MYO9B: variants seen among roughly 807,000 people sequenced by gnomAD.
MYO9B encodes myosin IXB.
A neutral mutation model predicts 229.5 loss-of-function variants in MYO9B; 71 were observed. The ratio of observed to expected loss-of-function variants is 0.31; its 90% confidence interval spans 0.26 to 0.38. MYO9B has a LOEUF of 0.38. Among genes scored for constraint, MYO9B ranks in the 10% least tolerant of loss-of-function variants. The pLI is 1.00. For missense variants in MYO9B, 2,255 were observed against 2,920.5 expected (o/e 0.77, Z 5.25); for synonymous variants, 1,185 against 1,235.8 (o/e 0.96, Z 0.86).
At chr19:17,167,678 T>C (rs921403694) in intron 10 of MYO9B, among the ~76,000 whole-genome samples, 3 of 151,976 alleles carry the variant, frequency 2.0e-5, no homozygotes, top group Admixed American at 2.0e-4. Flanking sequence ...GGGATTTTGC[T>C]ATGTTGGTCA....
intron 6 of MYO9B, among the ~76,000 whole-genome samples, chr19:17,155,531 T>C (rs1293924910): frequency 6.6e-6 from 1 of 152,160 alleles, no homozygotes; most frequent in Non-Finnish European, 1.5e-5. Context: ...TTATCCCAGC[T>C]ACTTGGGAGG....
intron 1 of MYO9B, among the ~76,000 whole-genome samples, chr19:17,078,888 G>A (rs1185973780): frequency 6.6e-6 from 1 of 152,222 alleles, no homozygotes; most frequent in Admixed American, 6.5e-5. Context: ...TGACTTCAGA[G>A]ATGGTTCCTT....
intron 8 of MYO9B, among the ~76,000 whole-genome samples, chr19:17,160,905 G>T (rs1246841497): frequency 1.3e-5 from 2 of 151,944 alleles, no homozygotes; most frequent in Admixed American, 6.5e-5. Context: ...CACCATGCTG[G>T]TCAGGCTGGT....
rs371176779 is a variant in MYO9B, at chr19:17,211,764, G to C, written c.6048G>C (p.Gly2016=). The C allele has an allele frequency of 6.2e-7, 1 of 1,612,988 alleles. No homozygotes were observed. The highest frequency in any genetic ancestry group is 1.1e-5 in the South Asian group (1 of 91,046). The part of the protein sequence containing the change: ...ESLLEERAGR[G]ASEGPPAPAL... ...TGCTGGAGGAGCGGGCCGGGCGGGG[G>C]GCCTCGGAAGGTCAGTATTAAGGTA... The change falls in exon 39 of 40, where the codon GGG becomes GGC. Residue 2016 remains glycine, a synonymous_variant. Coordinates refer to ENST00000682292, the MANE Select transcript of MYO9B (RefSeq NM_004145.4).
chr19:17,145,259 G>A, intron 2 of MYO9B, 138 bp from the exon 3 acceptor site: 2 of 829,182 alleles, frequency 2.4e-6, no homozygotes, highest in Non-Finnish European at 3.7e-6. Flanking sequence ...CCAGGTGACA[G>A]AACAAGACTG....
chr19:17,085,459 C>T (rs1298356928), intron 1 of MYO9B, among the ~76,000 whole-genome samples: 1 of 151,686 alleles, frequency 6.6e-6, no homozygotes, highest in African/African-American at 2.4e-5. Context: ...TGGGAATAAA[C>T]TTGGGGGGTC....
intron 2 of MYO9B, among the ~76,000 whole-genome samples, chr19:17,125,512 G>C (rs531701387): frequency 1.3e-5 from 2 of 152,082 alleles, no homozygotes. Context: ...TCACACTTAG[G>C]TTTTTGTTGT....
chr19:17,126,244 C>T (rs916889263), intron 2 of MYO9B, among the ~76,000 whole-genome samples: 1 of 152,202 alleles, frequency 6.6e-6, no homozygotes, highest in Non-Finnish European at 1.5e-5. Context: ...TCTCACCCAG[C>T]CCTCCTTGGG....
intron 38 of MYO9B, 56 bp downstream of exon 38, chr19:17,210,904 A>T: frequency 6.5e-7 from 1 of 1,544,580 alleles, no homozygotes; most frequent in African/African-American, 1.4e-5. Flanking sequence ...GCTGGAGTGC[A>T]GGTTCCATCC....
At chr19:17,191,075 T>C (rs755113118) in intron 19 of MYO9B, 22 bp from the exon 20 acceptor site, 1 of 1,609,252 alleles carries the variant, frequency 6.2e-7, no homozygotes, top group Non-Finnish European at 8.5e-7. Context: ...TAGATTTTCC[T>C]TTCTCCACCC....
chr19:17,172,505 G>A lies in MYO9B; in HGVS notation c.1935+28G>A, dbSNP rs766758075. ...AGGTGTCTGCCCATCACCACTGGTG[G>A]AAGCCTGAGGGAAGCCACAGTCAGC... On this transcript the variant is annotated intron_variant, in intron 12 of 39. Transcript: ENST00000682292. The surrounding 1 kb of genome is among the most constrained non-coding windows in gnomAD (Gnocchi z 8.2). 70 of 1,610,432 alleles carry A rather than the reference G, an allele frequency of 4.3e-5. No homozygotes were observed. The highest frequency in any genetic ancestry group is 5.8e-5 in the Non-Finnish European group (68 of 1,178,456).
intron 2 of MYO9B, among the ~76,000 whole-genome samples, chr19:17,144,894 C>T (rs1433545985): frequency 2.1e-5 from 3 of 145,640 alleles, no homozygotes; most frequent in Non-Finnish European, 4.5e-5. Context: ...CGCTTGAACT[C>T]GGGAGACAGT....
chr19:17,108,161 C>G (rs989976635), intron 2 of MYO9B, among the ~76,000 whole-genome samples: 2 of 152,216 alleles, frequency 1.3e-5, no homozygotes. Flanking sequence ...TGAGTCAGAC[C>G]CCCGGTCCTG....
chr19:17,133,951 C>T (rs891566276), intron 2 of MYO9B, among the ~76,000 whole-genome samples: 1 of 151,864 alleles, frequency 6.6e-6, no homozygotes, highest in African/African-American at 2.4e-5. Flanking sequence ...TTAGTAGAGA[C>T]GGGGTTTCAC....
Position 17,166,812 on chromosome 19 carries a change from G to A in MYO9B, c.1672-1131G>A, listed in dbSNP as rs151267294. 4.9e-3 allele frequency among the ~76,000 whole-genome samples: 747 copies of A among 152,268 alleles called. 2 individuals carry two copies. The highest frequency in any genetic ancestry group is 0.017 in the African/African-American group (723 of 41,532). On this transcript the variant is annotated intron_variant, in intron 10 of 39. Coordinates refer to ENST00000682292, the MANE Select transcript of MYO9B (RefSeq NM_004145.4). ...GGTAATGGCCTCCAGCTCCATCCAT[G>A]TTCCTGCAAAGGACATGACCTCATT... is the stretch of plus-strand genomic sequence containing the variant.
At chr19:17,097,283 T>C (rs1443723224) in intron 1 of MYO9B, among the ~76,000 whole-genome samples, 2 of 151,464 alleles carry the variant, frequency 1.3e-5, no homozygotes, top group Non-Finnish European at 2.9e-5. Context: ...ATCACAGCAC[T>C]GTGCTCTAGC....
Position 17,145,385 on chromosome 19 carries a change from A to G in MYO9B, c.841-12A>G. ...CCTCCTGATCTGAAACCTGCTTTTG[A>G]TTTCCTTGCAGGCTTTTGGAAATGC... On this transcript the variant is annotated splice_polypyrimidine_tract_variant and intron_variant, in intron 2 of 39. Coordinates refer to ENST00000682292, the MANE Select transcript of MYO9B (RefSeq NM_004145.4). 2 of 1,613,060 alleles carry G rather than the reference A, an allele frequency of 1.2e-6. No individual in the cohort carries two copies. The highest frequency in any genetic ancestry group is 2.2e-5 in the East Asian group (1 of 44,884).
intron 23 of MYO9B, 139 bp downstream of exon 23, chr19:17,197,997 G>A (rs2073065173): frequency 7.5e-7 from 1 of 1,341,246 alleles, no homozygotes; most frequent in Non-Finnish European, 1.0e-6. Flanking sequence ...GGTAGAGGTT[G>A]TAGTGAGCCT....
chr19:17,164,504 C>A (rs1248306542), intron 10 of MYO9B, among the ~76,000 whole-genome samples: 1 of 152,034 alleles, frequency 6.6e-6, no homozygotes, highest in African/African-American at 2.4e-5. Flanking sequence ...CCTCAGCCTC[C>A]CGAGTAGCTG....
Sources: gnomAD v4.1 joint callset for allele counts (sites outside exome capture counted in the v4.1 genomes callset) on GRCh38, gnomAD v4.1.1 for gene constraint, Gnocchi (gnomAD v3.1) non-coding constraint, MANE v1.5 for transcripts, NCBI Gene and HGNC (gene_info 2026-07-23, HGNC 2026-07-21) for gene names.